HIVEP3: variants seen among roughly 807,000 people sequenced by gnomAD.
HIVEP3 encodes HIVEP zinc finger 3.
A neutral mutation model predicts 152.8 loss-of-function variants in HIVEP3; 49 were observed. The ratio of observed to expected loss-of-function variants is 0.32; its 90% confidence interval spans 0.26 to 0.41. The LOEUF (loss-of-function observed/expected upper bound fraction) is 0.41. Ranked by LOEUF, HIVEP3 falls within the 10% of genes least tolerant of loss-of-function variation. The pLI, the probability that HIVEP3 is intolerant of heterozygous loss-of-function variation, is 1.00. For missense variants in HIVEP3, 2,790 were observed against 3,103.3 expected, an observed-to-expected ratio of 0.90 and a Z score of 2.40; for synonymous variants, 1,269 against 1,289.0, an observed-to-expected ratio of 0.98 and a Z score of 0.33.
intron 5 of HIVEP3, among the ~76,000 whole-genome samples, chr1:41,544,932 ACCACCACCACCAC>A (rs1431592713): frequency 2.1e-5 from 1 of 46,850 alleles, no homozygotes; most frequent in Non-Finnish European, 4.6e-5. Flanking sequence ...CACCACCATC[ACCACCACCACCAC>A]TACCACCTCT....
chr1:41,979,046 C>A (rs886768396), intron 1 of HIVEP3, among the ~76,000 whole-genome samples: 2 of 152,158 alleles, frequency 1.3e-5, no homozygotes, highest in Non-Finnish European at 2.9e-5. Context: ...CCTGCTTTCA[C>A]CTGAGGTTCT....
intron 1 of HIVEP3, among the ~76,000 whole-genome samples, chr1:41,834,430 C>T (rs893034684): frequency 6.6e-6 from 1 of 152,208 alleles, no homozygotes; most frequent in Non-Finnish European, 1.5e-5. Flanking sequence ...GTTTTCTTAA[C>T]ATCTAGTACA....
chr1:41,937,597 A>G (rs1645026042), intron 1 of HIVEP3, among the ~76,000 whole-genome samples: 1 of 152,202 alleles, frequency 6.6e-6, no homozygotes, highest in Non-Finnish European at 1.5e-5. Context: ...GGAATGTAAA[A>G]TATCTCACCA....
intron 2 of HIVEP3, among the ~76,000 whole-genome samples, chr1:41,640,425 T>C (rs1209779585): frequency 6.6e-6 from 1 of 152,186 alleles, no homozygotes; most frequent in Non-Finnish European, 1.5e-5. Flanking sequence ...GTTCCCTCTC[T>C]GGGTGCAATA....
At chr1:41,998,887 C>CTTTTTTTTTTTTT (rs1184823372) in intron 1 of HIVEP3, among the ~76,000 whole-genome samples, 12 of 77,308 alleles carry the variant, frequency 1.6e-4, no homozygotes, top group Non-Finnish European at 2.0e-4. Flanking sequence ...TTTTCTCTCT[C>CTTTTTTTTTTTTT]TCTTTTTTTT....
At chr1:41,659,771 G>A (rs1409282519) in intron 2 of HIVEP3, among the ~76,000 whole-genome samples, 1 of 152,202 alleles carries the variant, frequency 6.6e-6, no homozygotes, top group South Asian at 2.1e-4. Flanking sequence ...GAAGAAACTG[G>A]GAGACATGGA....
intron 1 of HIVEP3, among the ~76,000 whole-genome samples, chr1:41,949,237 A>G (rs1166055195): frequency 6.6e-6 from 1 of 152,222 alleles, no homozygotes; most frequent in East Asian, 1.9e-4. Flanking sequence ...ATTATGTTGT[A>G]CCTAAGCCCC....
At chr1:41,604,408 G>A (rs1644788850) in intron 3 of HIVEP3, among the ~76,000 whole-genome samples, 1 of 152,092 alleles carries the variant, frequency 6.6e-6, no homozygotes, top group African/African-American at 2.4e-5. Context: ...ATAAGTAAAG[G>A]AATTCAGACA....
chr1:41,949,591 A>G (rs1316911986), intron 1 of HIVEP3, among the ~76,000 whole-genome samples: 2 of 152,060 alleles, frequency 1.3e-5, no homozygotes, highest in Admixed American at 6.5e-5. Flanking sequence ...TACAACATAG[A>G]GCAGAGGAGC....
chr1:41,551,138 T>C (rs538452191), intron 5 of HIVEP3, among the ~76,000 whole-genome samples: 72 of 152,366 alleles, frequency 4.7e-4, no homozygotes, highest in South Asian at 1.4e-3. Context: ...GATAATCATG[T>C]GGTTTTTGTC....
chr1:41,742,730 C>T (rs1464857485), intron 1 of HIVEP3, among the ~76,000 whole-genome samples: 2 of 152,196 alleles, frequency 1.3e-5, no homozygotes, highest in African/African-American at 4.8e-5. Context: ...GCTTTACACA[C>T]AGGACACACT....
intron 3 of HIVEP3, among the ~76,000 whole-genome samples, chr1:41,616,531 C>T (rs1365594379): frequency 6.6e-6 from 1 of 150,752 alleles, no homozygotes; most frequent in East Asian, 2.0e-4. Flanking sequence ...AGAGGCTGCT[C>T]TCAGGAGGCC....
chr1:41,605,170 G>A (rs149113869), intron 3 of HIVEP3, among the ~76,000 whole-genome samples: 2,976 of 132,428 alleles, frequency 0.022, 58 homozygotes, highest in Middle Eastern at 0.04. Flanking sequence ...GGAGAGGGGA[G>A]GGGAGGGGAG....
At chr1:41,933,762 C>T (rs945138633) in intron 1 of HIVEP3, among the ~76,000 whole-genome samples, 5 of 151,772 alleles carry the variant, frequency 3.3e-5, no homozygotes, top group African/African-American at 9.7e-5. Context: ...TGACTTCTCT[C>T]GTTAGCCTGG....
At chr1:42,018,436 G>A (rs189360874) in intron 1 of HIVEP3, among the ~76,000 whole-genome samples, 73 of 151,412 alleles carry the variant, frequency 4.8e-4, no homozygotes, top group African/African-American at 1.3e-3. Flanking sequence ...TTTTTTTCCC[G>A]TATGGATACT....
intron 1 of HIVEP3, among the ~76,000 whole-genome samples, chr1:41,883,563 T>C (rs1172748867): frequency 2.6e-5 from 4 of 152,164 alleles, no homozygotes; most frequent in East Asian, 1.9e-4. Context: ...CCTGCAATGG[T>C]ACACCTGACA....
intron 5 of HIVEP3, among the ~76,000 whole-genome samples, chr1:41,545,355 G>A (rs1380266275): frequency 1.1e-3 from 26 of 24,572 alleles, no homozygotes; most frequent in African/African-American, 1.4e-3. Flanking sequence ...CACCATCATC[G>A]CCACCATCAC....
At chr1:41,725,260 C>T (rs755128464) in intron 1 of HIVEP3, among the ~76,000 whole-genome samples, 74 of 152,312 alleles carry the variant, frequency 4.9e-4, no homozygotes, top group Non-Finnish European at 1.0e-3. Context: ...TGCAGCTGGG[C>T]CCCTAACTGG....
chr1:41,830,507 C>G (rs994671468), intron 1 of HIVEP3, among the ~76,000 whole-genome samples: 1 of 152,202 alleles, frequency 6.6e-6, no homozygotes, highest in Non-Finnish European at 1.5e-5. Context: ...TGTCTGCTGA[C>G]AGCTCACACT....
Sources: allele counts gnomAD v4.1 joint callset (sites outside exome capture counted in the v4.1 genomes callset), GRCh38; gene constraint gnomAD v4.1.1; transcripts MANE v1.5; gene names NCBI Gene and HGNC (gene_info 2026-07-23, HGNC 2026-07-21).